Variants in DOCK1 observed in about 807,000 individuals in gnomAD.
The protein encoded by DOCK1 is dedicator of cytokinesis protein 1.
DOCK1 carries 138 observed loss-of-function variants against 262.7 expected under a neutral mutation model. The ratio of observed to expected loss-of-function variants is 0.53; its 90% confidence interval spans 0.46 to 0.61. DOCK1 has a LOEUF of 0.61. Among genes scored for constraint, DOCK1 ranks in the 20% least tolerant of loss-of-function variants. The pLI is 0.00. For missense variants in DOCK1, 1,908 were observed against 2,370.7 expected, an observed-to-expected ratio of 0.80 and a Z score of 4.05; for synonymous variants, 866 against 867.4, an observed-to-expected ratio of 1.00 and a Z score of 0.03.
chr10:127,135,161 C>T (rs1248621558), intron 27 of DOCK1, among the ~76,000 whole-genome samples: 1 of 152,194 alleles, frequency 6.6e-6, no homozygotes, highest in Non-Finnish European at 1.5e-5. Context: ...TGCTATGAGC[C>T]TGTGTGCATC....
At chr10:127,337,862 G>A (rs2063268740) in intron 29 of DOCK1, among the ~76,000 whole-genome samples, 1 of 152,254 alleles carries the variant, frequency 6.6e-6, no homozygotes, top group Admixed American at 6.5e-5. Context: ...CACGCAGTGT[G>A]AGCGTGAGAG....
In DOCK1 at chr10:127,225,939, A is replaced by G. The variant is rs1028448987; in HGVS notation, c.2848-22069A>G. Among the ~76,000 whole-genome samples, 3 of 152,180 alleles carry G rather than the reference A, an allele frequency of 2.0e-5. No individual in the cohort carries two copies. In the East Asian group the frequency reaches 5.8e-4, roughly 30 times the overall value. Reference sequence around the variant, plus strand: ...TAAAAATACAAAAAGTTAGCAGGGCATGGTGGCGGGTGCCTGTAATCCCAG... The same window carrying G: ...TAAAAATACAAAAAGTTAGCAGGGCGTGGTGGCGGGTGCCTGTAATCCCAG... On this transcript the variant is annotated intron_variant, in intron 27 of 51. Transcript: ENST00000623213.
chr10:127,146,552 T>C (rs1245683418), intron 27 of DOCK1, among the ~76,000 whole-genome samples: 1 of 152,198 alleles, frequency 6.6e-6, no homozygotes, highest in Admixed American at 6.5e-5. Flanking sequence ...AAGTATTTCC[T>C]TACCCCAGAA....
chr10:127,070,999 C>T (rs552579535), intron 23 of DOCK1, among the ~76,000 whole-genome samples: 283 of 152,058 alleles, frequency 1.9e-3, no homozygotes, highest in Non-Finnish European at 3.5e-3. Flanking sequence ...AGCTGTCTGA[C>T]GTTCTGGACT....
intron 21 of DOCK1, among the ~76,000 whole-genome samples, chr10:127,050,660 G>A (rs1476886207): frequency 6.0e-5 from 9 of 150,970 alleles, no homozygotes; most frequent in East Asian, 2.0e-4. Flanking sequence ...AGCTGAGATC[G>A]TGCCACTGCA....
intron 35 of DOCK1, among the ~76,000 whole-genome samples, chr10:127,375,376 G>A (rs2065431505): frequency 6.6e-6 from 1 of 152,208 alleles, no homozygotes; most frequent in Non-Finnish European, 1.5e-5. Flanking sequence ...CTCCTGCTTT[G>A]CTCTACTTAC....
chr10:127,105,437 T>C (rs1374888118), intron 23 of DOCK1, among the ~76,000 whole-genome samples: 1 of 152,184 alleles, frequency 6.6e-6, no homozygotes, highest in Non-Finnish European at 1.5e-5. Flanking sequence ...AAGAACAAAA[T>C]GATTCATAAT....
chr10:127,127,614 G>A (rs1460073324), intron 26 of DOCK1, 55 bp from the exon 27 acceptor site: 1 of 1,396,228 alleles, frequency 7.2e-7, no homozygotes, highest in Non-Finnish European at 1.0e-6. Context: ...AACCACTGGG[G>A]CTTGCATGTT....
intron 49 of DOCK1, among the ~76,000 whole-genome samples, chr10:127,441,797 G>T (rs575285490): frequency 1.3e-5 from 2 of 151,800 alleles, no homozygotes; most frequent in South Asian, 4.2e-4. Flanking sequence ...CCTGTGGCTG[G>T]GTTCGGTTTC....
chr10:126,941,442 C>T (rs1354402625), intron 1 of DOCK1, among the ~76,000 whole-genome samples: 5 of 152,166 alleles, frequency 3.3e-5, no homozygotes, highest in African/African-American at 9.7e-5. Flanking sequence ...ACAACAAAAA[C>T]ATCTTCAAAA....
In DOCK1 at chr10:127,332,306, G is replaced by T. The variant is rs527250518; in HGVS notation, c.3045-6700G>T. ...AGGGCTGACCAGAAGAAAGGTCTGGGGCATTTTAGGTTTTAGTTAAGAGTT... is the reference window on the plus strand; with the variant it reads ...AGGGCTGACCAGAAGAAAGGTCTGGTGCATTTTAGGTTTTAGTTAAGAGTT... On this transcript the variant is annotated intron_variant, in intron 29 of 51. Coordinates refer to ENST00000623213, the MANE Select transcript of DOCK1 (RefSeq NM_001290223.2). 3.3e-5 allele frequency among the ~76,000 whole-genome samples: 5 copies of T among 152,292 alleles called. No homozygotes were observed. In the South Asian group the frequency reaches 1.0e-3, roughly 32 times the overall value.
At chr10:127,022,142 T>C (rs2042477138) in intron 13 of DOCK1, among the ~76,000 whole-genome samples, 1 of 151,934 alleles carries the variant, frequency 6.6e-6, no homozygotes, top group South Asian at 2.1e-4. Context: ...GCGTTTTTTT[T>C]ACCCCCTACA....
At chr10:126,992,852 A>T (rs1330183243) in intron 6 of DOCK1, among the ~76,000 whole-genome samples, 1 of 151,686 alleles carries the variant, frequency 6.6e-6, no homozygotes, top group Non-Finnish European at 1.5e-5. Context: ...CCCTGTCCTC[A>T]TAGATGCATT....
chr10:127,146,878 C>T (rs2051912099), intron 27 of DOCK1, among the ~76,000 whole-genome samples: 1 of 152,192 alleles, frequency 6.6e-6, no homozygotes, highest in Admixed American at 6.5e-5. Context: ...AACAATAGGT[C>T]TCCATTAGTC....
At chr10:127,238,467 C>T (rs2059150511) in intron 27 of DOCK1, among the ~76,000 whole-genome samples, 1 of 152,110 alleles carries the variant, frequency 6.6e-6, no homozygotes, top group Admixed American at 6.6e-5. Context: ...GAGTTGAAAC[C>T]TTCAGTTATC....
At chr10:127,402,152 C>A (rs1373478405) in intron 38 of DOCK1, among the ~76,000 whole-genome samples, 4 of 152,140 alleles carry the variant, frequency 2.6e-5, no homozygotes, top group Non-Finnish European at 5.9e-5. Context: ...TAAAGCTGAG[C>A]CCCTGTCCTC....
intron 37 of DOCK1, 139 bp downstream of exon 37, chr10:127,381,507 A>G: frequency 1.6e-6 from 1 of 638,998 alleles, no homozygotes; most frequent in Non-Finnish European, 2.5e-6. Flanking sequence ...ATGCAAGGAT[A>G]TGAACAAAAA....
intron 27 of DOCK1, among the ~76,000 whole-genome samples, chr10:127,161,266 C>T (rs1246712443): frequency 6.6e-6 from 1 of 152,220 alleles, no homozygotes; most frequent in East Asian, 1.9e-4. Context: ...TTTGAGGGAA[C>T]AGCCAATTTA....
intron 31 of DOCK1, among the ~76,000 whole-genome samples, chr10:127,347,522 A>G (rs528039663): frequency 1.3e-5 from 2 of 152,268 alleles, no homozygotes; most frequent in South Asian, 4.2e-4. Context: ...CGCCATCTAC[A>G]TATGAGCAGA....
Sources: allele counts gnomAD v4.1 joint callset (sites outside exome capture counted in the v4.1 genomes callset), GRCh38; gene constraint gnomAD v4.1.1; transcripts MANE v1.5; gene names NCBI Gene and HGNC (gene_info 2026-07-23, HGNC 2026-07-21).